The following ANKRD55 variants were observed in gnomAD, a reference collection of about 807,000 sequenced individuals.
ANKRD55 encodes ankyrin repeat domain 55.
A neutral mutation model predicts 60.6 loss-of-function variants in ANKRD55; 41 were observed. That is an observed-to-expected ratio of 0.68 (90% CI 0.53 to 0.88). The LOEUF (loss-of-function observed/expected upper bound fraction) is 0.88, where lower values mean the gene tolerates loss of function less well. Among genes scored for constraint, ANKRD55 ranks in the 40% least tolerant of loss-of-function variants. The probability of loss-of-function intolerance (pLI) is 0.00; values close to 1 mark genes in which losing one functional copy is unlikely to be tolerated. For synonymous variants in ANKRD55, 264 were observed against 290.3 expected (o/e 0.91, Z 0.92); for missense variants, 732 against 767.6 (o/e 0.95, Z 0.55).
chr5:56,111,467 C>T lies in ANKRD55; in HGVS notation c.1281G>A (p.Lys427=), dbSNP rs749704310. 9 of 1,614,028 alleles carry T rather than the reference C, an allele frequency of 5.6e-6. No homozygotes were observed. The highest frequency in any genetic ancestry group is 7.6e-6 in the Non-Finnish European group (9 of 1,180,026). ...TCTGCGTTCTGATTGGTGGAAGCCC[C>T]TTACGGGCCAGCGGTTTCTTTTCTG... ...LLPEKKPLAR[K]GLPPIRTQSL... Residue 427 remains lysine (K), a synonymous_variant, in exon 10 of 12, where the codon AAG becomes AAA. Transcript: ENST00000341048.
intron 7 of ANKRD55, among the ~76,000 whole-genome samples, chr5:56,129,212 C>T (rs907838369): frequency 7.2e-5 from 11 of 152,046 alleles, no homozygotes; most frequent in African/African-American, 2.4e-4. Flanking sequence ...GACCAGGAGA[C>T]ACTAGACAAG....
At chr5:56,139,174 A>C (rs1401155318) in intron 7 of ANKRD55, among the ~76,000 whole-genome samples, 3 of 152,194 alleles carry the variant, frequency 2.0e-5, no homozygotes, top group Non-Finnish European at 4.4e-5. Context: ...AGAAAACTAA[A>C]GTCTTTACAT....
intron 4 of ANKRD55, among the ~76,000 whole-genome samples, chr5:56,172,909 G>T (rs2111816697): frequency 6.6e-6 from 1 of 152,246 alleles, no homozygotes; most frequent in Non-Finnish European, 1.5e-5. Flanking sequence ...ACATAACATT[G>T]CTCCCAAAAT....
At chr5:56,229,043 G>A (rs1760183934) in intron 2 of ANKRD55, among the ~76,000 whole-genome samples, 1 of 151,022 alleles carries the variant, frequency 6.6e-6, no homozygotes, top group African/African-American at 2.4e-5. Flanking sequence ...AGAAGAGTGG[G>A]TGAGGCCCTG....
intron 2 of ANKRD55, among the ~76,000 whole-genome samples, chr5:56,216,597 C>T (rs35334097): frequency 3.1e-4 from 47 of 152,186 alleles, no homozygotes; most frequent in Non-Finnish European, 6.2e-4. Flanking sequence ...CCAGTGAACA[C>T]ATGAATGGTA....
At chr5:56,122,479 C>T (rs1404283217) in intron 8 of ANKRD55, among the ~76,000 whole-genome samples, 1 of 151,358 alleles carries the variant, frequency 6.6e-6, no homozygotes, top group African/African-American at 2.4e-5. Context: ...GGTGAAACCC[C>T]TAATCTACTA....
chr5:56,123,759 G>A lies in ANKRD55; in HGVS notation c.797+3163C>T, dbSNP rs1162973268. ...CATGGAAGCGATCCAGAAGAACAGG[G>A]TTTTGCTGAGTAACGAGGGGAGCAT... On this transcript the variant is annotated intron_variant, in intron 8 of 11. Transcript: ENST00000341048. Among the ~76,000 whole-genome samples the A allele has an allele frequency of 2.6e-5, 4 of 152,128 alleles. 1 individual carries two copies. Among genetic ancestry groups the A allele is most frequent in the African/African-American group, 9.7e-5 (4 of 41,374 alleles).
chr5:56,103,163 G>C (rs950808779), intron 10 of ANKRD55, among the ~76,000 whole-genome samples: 5 of 152,244 alleles, frequency 3.3e-5, no homozygotes. Flanking sequence ...GAATGGGGTA[G>C]ATGCACTCAG....
At chr5:56,118,573 G>A (rs555526995) in intron 8 of ANKRD55, among the ~76,000 whole-genome samples, 10 of 152,078 alleles carry the variant, frequency 6.6e-5, no homozygotes, top group African/African-American at 1.2e-4. Context: ...GCAGTGAGCC[G>A]AGATCATGCC....
intron 7 of ANKRD55, among the ~76,000 whole-genome samples, chr5:56,141,089 ATG>A (rs564513414): frequency 3.4e-5 from 5 of 145,576 alleles, no homozygotes; most frequent in Admixed American, 6.9e-5. Flanking sequence ...CTATATATAT[ATG>A]TGTGTGTGTG....
intron 2 of ANKRD55, among the ~76,000 whole-genome samples, chr5:56,195,535 C>T (rs983136746): frequency 2.6e-5 from 4 of 152,162 alleles, no homozygotes; most frequent in African/African-American, 9.7e-5. Flanking sequence ...CTTCTGCCTC[C>T]CAGGTTCAAG....
intron 2 of ANKRD55, among the ~76,000 whole-genome samples, chr5:56,216,438 TCTCA>T (rs1489124175): frequency 6.6e-6 from 1 of 152,172 alleles, no homozygotes; most frequent in Non-Finnish European, 1.5e-5. Flanking sequence ...GTCACAAATC[TCTCA>T]CTTTAAATCA....
At chr5:56,225,331 T>A (rs1312845554) in intron 2 of ANKRD55, among the ~76,000 whole-genome samples, 1 of 152,134 alleles carries the variant, frequency 6.6e-6, no homozygotes, top group Non-Finnish European at 1.5e-5. Flanking sequence ...ATGGGACGTA[T>A]CTCAAAAAAA....
At chr5:56,137,695 TCAAA>T (rs1362290071) in intron 7 of ANKRD55, among the ~76,000 whole-genome samples, 170 of 152,040 alleles carry the variant, frequency 1.1e-3, no homozygotes, top group Middle Eastern at 3.4e-3. Context: ...TTCATTAAAA[TCAAA>T]AACTTCTCTG....
chr5:56,199,910 C>T (rs1386839033), intron 2 of ANKRD55, among the ~76,000 whole-genome samples: 2 of 151,124 alleles, frequency 1.3e-5, no homozygotes, highest in African/African-American at 4.9e-5. Context: ...AAAAAGAGGC[C>T]GAGGTGAGAG....
chr5:56,182,002 C>T (rs7720442), intron 3 of ANKRD55, among the ~76,000 whole-genome samples: 4,787 of 152,108 alleles, frequency 0.031, 272 homozygotes, highest in African/African-American at 0.11. Context: ...TTTACATCGT[C>T]TTTGGTTTTG....
At chr5:56,180,764 C>T (rs73128454) in intron 3 of ANKRD55, among the ~76,000 whole-genome samples, 2,085 of 152,280 alleles carry the variant, frequency 0.014, 55 homozygotes, top group African/African-American at 0.048. Flanking sequence ...TGTTTGTATA[C>T]AAAAATAAAA....
intron 2 of ANKRD55, among the ~76,000 whole-genome samples, chr5:56,227,802 G>T (rs1760156937): frequency 6.6e-6 from 1 of 152,098 alleles, no homozygotes; most frequent in Non-Finnish European, 1.5e-5. Flanking sequence ...GGTCATATGT[G>T]AAGCTGATAT....
chr5:56,168,604 G>GA (rs1023212594), intron 5 of ANKRD55, among the ~76,000 whole-genome samples: 1 of 152,084 alleles, frequency 6.6e-6, no homozygotes, highest in Non-Finnish European at 1.5e-5. Flanking sequence ...GTATGTAGAG[G>GA]AAAAAAACAT....
Sources: allele counts gnomAD v4.1 joint callset (sites outside exome capture counted in the v4.1 genomes callset), GRCh38; gene constraint gnomAD v4.1.1; transcripts MANE v1.5; gene names NCBI Gene and HGNC (gene_info 2026-07-23, HGNC 2026-07-21).